NCAM2: variants seen among roughly 807,000 people sequenced by gnomAD.
NCAM2 encodes the protein N-CAM-2.
A neutral mutation model predicts 98.1 loss-of-function variants in NCAM2; 30 were observed. The ratio of observed to expected loss-of-function variants is 0.31; its 90% CI spans 0.23 to 0.41. The LOEUF (loss-of-function observed/expected upper bound fraction) is 0.41. Ranked by LOEUF, NCAM2 falls within the 10% of genes least tolerant of loss-of-function variation. NCAM2 has a pLI of 1.00. For synonymous variants in NCAM2, 368 were observed against 342.4 expected (o/e 1.07, Z -0.83); for missense variants, 867 against 1,005.8 (o/e 0.86, Z 1.87).
chr21:21,045,875 C>G (rs1465726755), intron 1 of NCAM2, among the ~76,000 whole-genome samples: 1 of 152,126 alleles, frequency 6.6e-6, no homozygotes, highest in Non-Finnish European at 1.5e-5. Flanking sequence ...CAAGACTATT[C>G]TCTCTGACAT....
intron 1 of NCAM2, among the ~76,000 whole-genome samples, chr21:21,250,912 T>C (rs1446190390): frequency 6.6e-6 from 1 of 152,218 alleles, no homozygotes; most frequent in Non-Finnish European, 1.5e-5. Context: ...GAGATGTTCC[T>C]CTGTAGCTAT....
At chr21:21,073,351 C>A in intron 1 of NCAM2, among the ~76,000 whole-genome samples, 1 of 152,148 alleles carries the variant, frequency 6.6e-6, no homozygotes, top group East Asian at 1.9e-4. Flanking sequence ...TTATAGTATA[C>A]TATTATTAAT....
chr21:21,491,443 T>C (rs1464328861), intron 15 of NCAM2, among the ~76,000 whole-genome samples: 1 of 151,796 alleles, frequency 6.6e-6, no homozygotes, highest in African/African-American at 2.4e-5. Flanking sequence ...ATGAATAAAG[T>C]TGCAGAAATT....
chr21:21,447,792 A>G (rs527896036), intron 12 of NCAM2, among the ~76,000 whole-genome samples: 2 of 152,274 alleles, frequency 1.3e-5, no homozygotes, highest in South Asian at 2.1e-4. Flanking sequence ...CTTACGAATA[A>G]AAGCTTAACA....
At chr21:21,159,014 G>A (rs1028375202) in intron 1 of NCAM2, among the ~76,000 whole-genome samples, 2 of 152,114 alleles carry the variant, frequency 1.3e-5, no homozygotes, top group Non-Finnish European at 2.9e-5. Flanking sequence ...CTTCAGTGGG[G>A]TAAGATGTGG....
intron 1 of NCAM2, among the ~76,000 whole-genome samples, chr21:21,141,394 T>C (rs1474681404): frequency 6.6e-6 from 1 of 152,190 alleles, no homozygotes; most frequent in Non-Finnish European, 1.5e-5. Context: ...TCTGTTTTAA[T>C]GCCACAATTC....
chr21:21,522,054 G>C (rs1037888240), intron 16 of NCAM2, among the ~76,000 whole-genome samples: 1 of 147,558 alleles, frequency 6.8e-6, no homozygotes, highest in African/African-American at 2.5e-5. Flanking sequence ...TCATATATAT[G>C]AATGAATAGT....
chr21:21,501,830 A>T (rs1987657096), intron 15 of NCAM2, among the ~76,000 whole-genome samples: 1 of 151,940 alleles, frequency 6.6e-6, no homozygotes, highest in East Asian at 1.9e-4. Context: ...AGTATACCAA[A>T]TTCAAATATT....
intron 1 of NCAM2, among the ~76,000 whole-genome samples, chr21:21,161,713 A>G (rs1417438900): frequency 6.6e-6 from 1 of 152,022 alleles, no homozygotes; most frequent in Non-Finnish European, 1.5e-5. Flanking sequence ...ATATATGTAT[A>G]TATATCTATT....
intron 6 of NCAM2, among the ~76,000 whole-genome samples, chr21:21,330,146 A>G (rs913143492): frequency 6.6e-6 from 1 of 151,718 alleles, no homozygotes; most frequent in African/African-American, 2.4e-5. Flanking sequence ...TCTCCATTTC[A>G]TTAATTTCTG....
At chr21:21,006,220 C>T (rs1054894958) in intron 1 of NCAM2, among the ~76,000 whole-genome samples, 1 of 152,090 alleles carries the variant, frequency 6.6e-6, no homozygotes, top group East Asian at 1.9e-4. Flanking sequence ...TTGTGTTGAT[C>T]CATGGGTTGG....
intron 1 of NCAM2, among the ~76,000 whole-genome samples, chr21:21,065,327 C>A (rs937248998): frequency 2.6e-5 from 4 of 152,150 alleles, no homozygotes; most frequent in Non-Finnish European, 5.9e-5. Context: ...AACCCTAAGT[C>A]ATCTGGGTCT....
rs1990284523 is a variant in NCAM2, at chr21:21,542,809, A to G, written c.*4852A>G. Reference sequence around the variant, plus strand: ...ACTGATGCGAAGGAGAAAACAGTGTAACACAGAGGAGAAAGTTAACAGAGA... The same window carrying G: ...ACTGATGCGAAGGAGAAAACAGTGTGACACAGAGGAGAAAGTTAACAGAGA... On this transcript the variant is annotated 3_prime_UTR_variant, in exon 18 of 18. Coordinates refer to ENST00000400546, the MANE Select transcript of NCAM2 (RefSeq NM_004540.5). 1 of 151,944 alleles carries G rather than the reference A, an allele frequency of 6.6e-6. No individual in the cohort carries two copies. The highest frequency in any genetic ancestry group is 1.5e-5 in the Non-Finnish European group (1 of 67,882). The allele number at this position is 151,944 out of a possible 1,614,324, so 9.4% of individuals were successfully genotyped here.
chr21:21,178,148 C>G (rs1953040183), intron 1 of NCAM2, among the ~76,000 whole-genome samples: 1 of 152,066 alleles, frequency 6.6e-6, no homozygotes, highest in African/African-American at 2.4e-5. Context: ...CAATTTATTG[C>G]TGTTTTCTTC....
intron 1 of NCAM2, among the ~76,000 whole-genome samples, chr21:21,241,420 A>G (rs1206850613): frequency 6.6e-6 from 1 of 152,212 alleles, no homozygotes; most frequent in Non-Finnish European, 1.5e-5. Context: ...TGAATTATAT[A>G]GCATATAAAT....
chr21:21,373,150 ATAT>A (rs2075958039), intron 8 of NCAM2, among the ~76,000 whole-genome samples: 1 of 151,828 alleles, frequency 6.6e-6, no homozygotes. Context: ...AAATATTAGA[ATAT>A]ACTGTTTCTG....
chr21:21,102,534 T>G (rs2066264801), intron 1 of NCAM2, among the ~76,000 whole-genome samples: 1 of 151,976 alleles, frequency 6.6e-6, no homozygotes. Flanking sequence ...CTCATGGATA[T>G]AAACCAAAAC....
intron 15 of NCAM2, among the ~76,000 whole-genome samples, chr21:21,498,850 C>T (rs2146329086): frequency 6.6e-6 from 1 of 152,092 alleles, no homozygotes; most frequent in African/African-American, 2.4e-5. Flanking sequence ...TGTTAATGAT[C>T]ACAAAAACGT....
intron 15 of NCAM2, among the ~76,000 whole-genome samples, chr21:21,503,070 G>A (rs1242379407): frequency 6.6e-6 from 1 of 151,780 alleles, no homozygotes; most frequent in Non-Finnish European, 1.5e-5. Flanking sequence ...TTGCAGTTGG[G>A]ATTTAATTTA....
Sources: gnomAD v4.1 joint callset for allele counts (sites outside exome capture counted in the v4.1 genomes callset) on GRCh38, gnomAD v4.1.1 for gene constraint, MANE v1.5 for transcripts, NCBI Gene and HGNC (gene_info 2026-07-23, HGNC 2026-07-21) for gene names.